The following SLC35F3 variants were observed in gnomAD, a reference collection of about 807,000 sequenced individuals.
SLC35F3 encodes the protein solute carrier family 35 member F3, also known as putative thiamine transporter SLC35F3.
Under a neutral mutation model 49.9 loss-of-function variants are expected in SLC35F3, and 25 were observed. That is an observed-to-expected ratio of 0.50 (90% CI 0.37 to 0.70). The LOEUF is 0.70. Among genes scored for constraint, SLC35F3 ranks in the 30% least tolerant of loss-of-function variants. The pLI is 0.00. For missense variants in SLC35F3, 525 were observed against 639.8 expected (o/e 0.82, Z 1.94); for synonymous variants, 275 against 265.4 (o/e 1.04, Z -0.35).
At chr1:234,124,539 G>A (rs1389310167) in intron 2 of SLC35F3, among the ~76,000 whole-genome samples, 1 of 152,130 alleles carries the variant, frequency 6.6e-6, no homozygotes, top group Non-Finnish European at 1.5e-5. Context: ...AAACAGAGAT[G>A]AGGGAGAATT....
intron 2 of SLC35F3, among the ~76,000 whole-genome samples, chr1:234,125,471 C>G (rs896553265): frequency 3.3e-5 from 5 of 152,130 alleles, no homozygotes; most frequent in Non-Finnish European, 5.9e-5. Context: ...TACTCCTCCC[C>G]CAGGAGGCGC....
chr1:234,277,916 G>C (rs1668238211), intron 3 of SLC35F3, among the ~76,000 whole-genome samples: 1 of 152,234 alleles, frequency 6.6e-6, no homozygotes, highest in African/African-American at 2.4e-5. Flanking sequence ...TAAAACAGCT[G>C]GGCGCGGTGG....
chr1:234,108,759 ATAAATATATATATCT>A lies in SLC35F3; in HGVS notation c.284-122656_284-122642del, dbSNP rs1220860527. Among the ~76,000 whole-genome samples, 7 of 101,692 alleles carry A rather than the reference ATAAATATATATATCT, an allele frequency of 6.9e-5. No homozygotes were observed. In the East Asian group the frequency reaches 1.8e-3, roughly 27 times the overall value. 66.7% of individuals were successfully genotyped at this position (101,692 alleles called of 152,430 possible). ...TATCTTTTATATATAAAAGATATAT[ATAAATATATATATCT>A]TTTATATATAAAAGATATATATATT... On this transcript the variant is annotated intron_variant, in intron 2 of 7. Coordinates refer to ENST00000366618, the MANE Select transcript of SLC35F3 (RefSeq NM_173508.4).
intron 2 of SLC35F3, among the ~76,000 whole-genome samples, chr1:234,019,353 A>ATG (rs963706475): frequency 6.7e-6 from 1 of 148,748 alleles, no homozygotes; most frequent in Non-Finnish European, 1.5e-5. Flanking sequence ...GTGCATGTAT[A>ATG]TGTGTGTGTG....
Position 234,293,852 on chromosome 1 carries a change from A to G in SLC35F3, c.609-15249A>G, listed in dbSNP as rs77207301. On this transcript the variant is annotated intron_variant, in intron 3 of 7. Transcript: ENST00000366618. ...ATAACAACCTTTAATTTCAACTTTC[A>G]TAAAACTGTTCTCTTTAGGAATGAT... 3.9e-3 allele frequency among the ~76,000 whole-genome samples: 589 copies of G among 152,332 alleles called. 21 individuals are homozygous for G. In the East Asian group the frequency reaches 0.071, roughly 18 times the overall value.
At chr1:234,154,204 T>C (rs969285460) in intron 2 of SLC35F3, among the ~76,000 whole-genome samples, 17 of 152,238 alleles carry the variant, frequency 1.1e-4, no homozygotes, top group African/African-American at 4.1e-4. Flanking sequence ...TGAGCTGTGA[T>C]TACGCCACAG....
intron 3 of SLC35F3, among the ~76,000 whole-genome samples, chr1:234,279,467 C>T (rs1239100366): frequency 6.6e-6 from 1 of 152,170 alleles, no homozygotes; most frequent in African/African-American, 2.4e-5. Context: ...GGGAGACGAA[C>T]ATGAGGCTTA....
At chr1:234,081,025 G>A (rs948452568) in intron 2 of SLC35F3, among the ~76,000 whole-genome samples, 6 of 152,090 alleles carry the variant, frequency 3.9e-5, no homozygotes, top group Non-Finnish European at 8.8e-5. Flanking sequence ...TACAGCCCCA[G>A]GCCAACTTAG....
At chr1:234,173,900 A>T (rs1055085120) in intron 2 of SLC35F3, among the ~76,000 whole-genome samples, 1 of 152,166 alleles carries the variant, frequency 6.6e-6, no homozygotes, top group African/African-American at 2.4e-5. Flanking sequence ...GAAAGTGAGA[A>T]GGTGGGCTTG....
chr1:234,081,359 A>T (rs769742204), intron 2 of SLC35F3, among the ~76,000 whole-genome samples: 8 of 152,254 alleles, frequency 5.3e-5, no homozygotes, highest in Non-Finnish European at 1.2e-4. Context: ...TTCTAATAGT[A>T]CTAGAGAATC....
chr1:233,918,822 A>C (rs199818848), intron 2 of SLC35F3, among the ~76,000 whole-genome samples: 39,426 of 145,750 alleles, frequency 0.27, 5,924 homozygotes, highest in East Asian at 0.52. Flanking sequence ...CTCTCTATAT[A>C]TATATATATA....
Position 234,050,130 on chromosome 1 carries a change from T to TA in SLC35F3, c.283+144373dup, listed in dbSNP as rs201901293. The stretch of plus-strand genomic sequence containing the variant: ...CATGTGTCTTTATAGCAGCATGACT[T>TA]ATAATCCTTTGGGTATATACCCAGT... On this transcript the variant is annotated intron_variant, in intron 2 of 7. Transcript: ENST00000366618. 2.0e-3 allele frequency among the ~76,000 whole-genome samples: 308 copies of TA among 152,358 alleles called. 9 individuals are homozygous for TA. The East Asian group carries it at 0.057, about 28-fold the overall frequency.
At chr1:234,113,160 A>C (rs892964266) in intron 2 of SLC35F3, among the ~76,000 whole-genome samples, 1 of 152,214 alleles carries the variant, frequency 6.6e-6, no homozygotes, top group Non-Finnish European at 1.5e-5. Flanking sequence ...AAGCACTCTT[A>C]TGAGCCCCTG....
rs979332718 is a variant in SLC35F3, at chr1:234,027,809, A to G, written c.283+122051A>G. ...GGGTATTTAGCAGGGAACACAATGA[A>G]CCATTTCCACACTCTCAGAGCTTTC... On this transcript the variant is annotated intron_variant, in intron 2 of 7. Coordinates refer to ENST00000366618, the MANE Select transcript of SLC35F3 (RefSeq NM_173508.4). This position sits in a 1 kb window ranked among gnomAD's most constrained non-coding sequence, Gnocchi z 4.1. Among the ~76,000 whole-genome samples, 6 of 152,158 alleles carry G rather than the reference A, an allele frequency of 3.9e-5. No individual in the cohort carries two copies. The highest frequency in any genetic ancestry group is 1.2e-4 in the African/African-American group (5 of 41,424).
intron 2 of SLC35F3, among the ~76,000 whole-genome samples, chr1:234,133,217 G>T (rs1423497331): frequency 3.9e-5 from 6 of 152,072 alleles, no homozygotes; most frequent in Non-Finnish European, 7.4e-5. Context: ...AAAGTAACTA[G>T]AATAATTTGT....
chr1:234,304,062 CCTTCCTTCCTTT>C (rs147804907), intron 3 of SLC35F3, among the ~76,000 whole-genome samples: 88,288 of 146,348 alleles, frequency 0.6, 26,779 homozygotes, highest in Middle Eastern at 0.78. Flanking sequence ...TCCTTCCTTT[CCTTCCTTCCTTT>C]CTTCCTTCCT....
At chr1:234,295,345 C>G (rs1037173436) in intron 3 of SLC35F3, among the ~76,000 whole-genome samples, 1 of 152,236 alleles carries the variant, frequency 6.6e-6, no homozygotes. Flanking sequence ...TCATTGGATA[C>G]TGCATTGCTG....
chr1:234,264,693 G>A (rs1166276691), intron 3 of SLC35F3, among the ~76,000 whole-genome samples: 2 of 152,148 alleles, frequency 1.3e-5, no homozygotes, highest in Admixed American at 1.3e-4. Flanking sequence ...AGCTAGGACT[G>A]CAGGCACACA....
At chr1:234,025,411 A>G (rs1663962465) in intron 2 of SLC35F3, among the ~76,000 whole-genome samples, 1 of 152,224 alleles carries the variant, frequency 6.6e-6, no homozygotes, top group Admixed American at 6.5e-5. Context: ...TCTCACAGTG[A>G]CTGAACTAGT....
Sources: gnomAD v4.1 joint callset for allele counts (sites outside exome capture counted in the v4.1 genomes callset) on GRCh38, gnomAD v4.1.1 for gene constraint, Gnocchi (gnomAD v3.1) non-coding constraint, MANE v1.5 for transcripts, NCBI Gene and HGNC (gene_info 2026-07-23, HGNC 2026-07-21) for gene names.